NAA25: variants seen among roughly 807,000 people sequenced by gnomAD.
NAA25 encodes the protein N-alpha-acetyltransferase 25, NatB auxiliary subunit, also known as N-terminal acetyltransferase B complex subunit NAA25.
NAA25 carries 30 observed loss-of-function variants against 132.5 expected under a neutral mutation model. The ratio of observed to expected loss-of-function variants is 0.23; its 90% CI spans 0.17 to 0.31. The LOEUF (loss-of-function observed/expected upper bound fraction) is 0.31, where lower values mean the gene tolerates loss of function less well. Among genes scored for constraint, NAA25 ranks in the 10% least tolerant of loss-of-function variants. The pLI, the probability that NAA25 is intolerant of heterozygous loss-of-function variation, is 1.00. For missense variants in NAA25, 771 were observed against 1,150.4 expected, an observed-to-expected ratio of 0.67 and a Z score of 4.77; for synonymous variants, 359 against 401.9, an observed-to-expected ratio of 0.89 and a Z score of 1.28.
chr12:112,096,560 A>G (rs892442134), intron 1 of NAA25, among the ~76,000 whole-genome samples: 4 of 152,222 alleles, frequency 2.6e-5, no homozygotes, highest in African/African-American at 9.6e-5. Context: ...CTCTGTAGGA[A>G]ATCACAATTT....
intron 1 of NAA25, among the ~76,000 whole-genome samples, chr12:112,093,661 C>T (rs969346982): frequency 2.0e-5 from 3 of 152,238 alleles, no homozygotes; most frequent in Non-Finnish European, 4.4e-5. Flanking sequence ...GGGTGAATCA[C>T]TTGAGCCCAG....
intron 2 of NAA25, among the ~76,000 whole-genome samples, chr12:112,091,337 A>C (rs1216389790): frequency 2.6e-5 from 4 of 152,100 alleles, no homozygotes; most frequent in South Asian, 2.1e-4. Flanking sequence ...ACTTGAGCCC[A>C]GAACTTTGAG....
chr12:112,096,339 G>T (rs959521263), intron 1 of NAA25, among the ~76,000 whole-genome samples: 4 of 152,156 alleles, frequency 2.6e-5, no homozygotes, highest in Non-Finnish European at 5.9e-5. Context: ...TTCCCTATCA[G>T]CAAAGGCACA....
intron 1 of NAA25, among the ~76,000 whole-genome samples, chr12:112,096,365 T>C (rs2079213042): frequency 6.6e-6 from 1 of 152,218 alleles, no homozygotes; most frequent in Admixed American, 6.5e-5. Flanking sequence ...CTTAAAATAA[T>C]CTATGACCCT....
chr12:112,037,267 A>T (rs1406100721), intron 22 of NAA25, among the ~76,000 whole-genome samples: 1 of 111,288 alleles, frequency 9.0e-6, no homozygotes, highest in Non-Finnish European at 1.8e-5. Flanking sequence ...GCGATATTTT[A>T]AAAAATACAT....
At chr12:112,041,313 G>A (rs1273781691) in intron 20 of NAA25, among the ~76,000 whole-genome samples, 1 of 150,998 alleles carries the variant, frequency 6.6e-6, no homozygotes, top group Non-Finnish European at 1.5e-5. Flanking sequence ...TCAGCCTCCC[G>A]AGTAGCTGGG....
intron 4 of NAA25, among the ~76,000 whole-genome samples, chr12:112,082,683 T>C (rs531409332): frequency 6.6e-6 from 1 of 151,480 alleles, no homozygotes; most frequent in Non-Finnish European, 1.5e-5. Flanking sequence ...ACCTCTTCTT[T>C]CTTTAAGGGA....
rs11286456 is a variant in NAA25 at position 112,106,955 on chromosome 12, C to CAA, written c.58+1759_58+1760dup. 5.9e-3 allele frequency among the ~76,000 whole-genome samples: 152 copies of CAA among 25,810 alleles called. 9 individuals carry two copies. The highest frequency in any genetic ancestry group is 0.014 in the African/African-American group (106 of 7,814). The allele number at this position is 25,810 out of a possible 152,430, so 16.9% of individuals were successfully genotyped here. ...CTGGATGACAGAATGAGACTGTCTCCAAAAAAAAAAAAAAAAAAAAAAAAA... is the reference window on the plus strand; with the variant it reads ...CTGGATGACAGAATGAGACTGTCTCCAAAAAAAAAAAAAAAAAAAAAAAAAAA... On this transcript the variant is annotated intron_variant, in intron 1 of 23. Coordinates refer to ENST00000261745, the MANE Select transcript of NAA25 (RefSeq NM_024953.4).
intron 22 of NAA25, among the ~76,000 whole-genome samples, chr12:112,038,966 G>A (rs1386815034): frequency 2.0e-5 from 3 of 152,138 alleles, no homozygotes; most frequent in African/African-American, 7.2e-5. Context: ...GCTATAGAGT[G>A]AGATTCCATC....
chr12:112,080,278 C>CAA lies in NAA25; in HGVS notation c.477+780_477+781dup, dbSNP rs762037242. Among the ~76,000 whole-genome samples the CAA allele has an allele frequency of 1.5e-3, 74 of 50,654 alleles. 1 individual carries two copies. The highest frequency in any genetic ancestry group is 1.9e-3 in the African/African-American group (29 of 15,102). The allele number at this position is 50,654 out of a possible 152,430, so 33.2% of individuals were successfully genotyped here. A position where few individuals can be genotyped will look rare whatever the true frequency, so the allele number is the denominator to read the frequency against. Reference sequence around the variant, plus strand: ...CCTGGGTTAGAGCGAGACTCTGTCTCAAAAAAAAAAAAAAAAAAAAAACCC... The same window carrying CAA: ...CCTGGGTTAGAGCGAGACTCTGTCTCAAAAAAAAAAAAAAAAAAAAAAAACCC... On this transcript the variant is annotated intron_variant, in intron 5 of 23. Transcript: ENST00000261745.
At chr12:112,052,970 A>G (rs1013017476) in intron 15 of NAA25, among the ~76,000 whole-genome samples, 1 of 152,254 alleles carries the variant, frequency 6.6e-6, no homozygotes, top group Non-Finnish European at 1.5e-5. Context: ...GGCTTAACCA[A>G]CAAGTAGAGC....
intron 23 of NAA25, 62 bp downstream of exon 23, chr12:112,033,171 A>C (rs1188298593): frequency 6.8e-7 from 1 of 1,469,440 alleles, no homozygotes; most frequent in Non-Finnish European, 9.1e-7. Flanking sequence ...TAAAGATGAG[A>C]GAGAGAGACA....
rs763724000 is a variant in NAA25 at position 112,029,629 on chromosome 12, C to T, written c.2821G>A (p.Val941Met). 15 of 1,613,660 alleles carry T rather than the reference C, an allele frequency of 9.3e-6. No individual in the cohort carries two copies. The highest frequency in any genetic ancestry group is 6.7e-5 in the East Asian group (3 of 44,876). ...SPEERKFSKT[V>M]QGKVQSSYLH... ...TAACTGCTCTGCACCTTCCCTTGCA[C>T]AGTCTTTGAAAATTTTCTCTCTTCC... The change falls in exon 24 of 24, where the codon GTG becomes ATG. Residue 941 changes from valine to methionine, a missense_variant. By Grantham distance (21) the Val-to-Met change is conservative. Transcript: ENST00000261745.
At chr12:112,101,492 C>G (rs2079295701) in intron 1 of NAA25, among the ~76,000 whole-genome samples, 1 of 152,008 alleles carries the variant, frequency 6.6e-6, no homozygotes, top group South Asian at 2.1e-4. Context: ...TGCGGTGGCT[C>G]ATGCCTGTAA....
intron 5 of NAA25, among the ~76,000 whole-genome samples, chr12:112,080,016 C>T (rs2078947428): frequency 6.6e-6 from 1 of 152,124 alleles, no homozygotes; most frequent in African/African-American, 2.4e-5. Flanking sequence ...CGCGGTGGCT[C>T]ATGCCTGTAA....
chr12:112,083,679 A>G (rs1039195025), intron 4 of NAA25, among the ~76,000 whole-genome samples: 1 of 152,204 alleles, frequency 6.6e-6, no homozygotes, highest in Non-Finnish European at 1.5e-5. Flanking sequence ...AAATGTTAGG[A>G]AATTCCATTG....
intron 1 of NAA25, among the ~76,000 whole-genome samples, chr12:112,107,107 G>T (rs904287822): frequency 2.0e-5 from 3 of 151,584 alleles, no homozygotes; most frequent in African/African-American, 4.8e-5. Context: ...TAAAAACATG[G>T]AAGTTCGCTG....
chr12:112,077,700 A>G (rs2078913404), intron 7 of NAA25, among the ~76,000 whole-genome samples: 2 of 152,142 alleles, frequency 1.3e-5, no homozygotes, highest in African/African-American at 4.8e-5. Context: ...AAATGCCTTC[A>G]TAAGACAGAC....
rs528754531 is a variant in NAA25 at position 112,095,391 on chromosome 12, C to T, written c.59-2255G>A. 5.9e-5 allele frequency among the ~76,000 whole-genome samples: 9 copies of T among 151,274 alleles called. No homozygotes were observed. In the East Asian group the frequency reaches 1.2e-3, roughly 20 times the overall value. Reference sequence around the variant, plus strand: ...GGTGGGGCTTGCAGTGAGCTGAGATCGCGCCACTGCACTCCAGCCTGAGTG... The same window carrying T: ...GGTGGGGCTTGCAGTGAGCTGAGATTGCGCCACTGCACTCCAGCCTGAGTG... On this transcript the variant is annotated intron_variant, in intron 1 of 23. Transcript: ENST00000261745.
Sources: gnomAD v4.1 joint callset for allele counts (sites outside exome capture counted in the v4.1 genomes callset) on GRCh38, gnomAD v4.1.1 for gene constraint, MANE v1.5 for transcripts, NCBI Gene and HGNC (gene_info 2026-07-23, HGNC 2026-07-21) for gene names.